TNIP3: variants seen among roughly 807,000 people sequenced by gnomAD.
The protein encoded by TNIP3 is TNFAIP3 interacting protein 3, also known as TNFAIP3-interacting protein 3.
A neutral mutation model predicts 54.1 loss-of-function variants in TNIP3; 34 were observed. That is an observed-to-expected ratio of 0.63 (90% CI 0.48 to 0.84). TNIP3 has a LOEUF of 0.84. TNIP3 is among the 40% of genes least tolerant of loss of function. TNIP3 has a pLI of 0.00. For synonymous variants in TNIP3, 134 were observed against 136.8 expected (o/e 0.98, Z 0.14); for missense variants, 366 against 387.6 (o/e 0.94, Z 0.47).
intron 2 of TNIP3, among the ~76,000 whole-genome samples, chr4:121,215,935 A>C (rs1245384534): frequency 6.6e-6 from 1 of 152,114 alleles, no homozygotes; most frequent in Non-Finnish European, 1.5e-5. Context: ...GCTTTAAAAA[A>C]AACTTTGAAA....
chr4:121,226,708 T>C (rs1056991381), intron 1 of TNIP3, among the ~76,000 whole-genome samples: 8 of 152,228 alleles, frequency 5.3e-5, no homozygotes, highest in African/African-American at 1.9e-4. Flanking sequence ...AAATGAACCT[T>C]CCTTGCAGGA....
chr4:121,169,072 T>C (rs576943896), upstream of TNIP3, among the ~76,000 whole-genome samples: 15 of 152,164 alleles, frequency 9.9e-5, no homozygotes, highest in Non-Finnish European at 1.8e-4. Flanking sequence ...CAGTGGCCAC[T>C]GTGAGACTTT....
chr4:121,194,859 A>AG (rs1553935999), intron 2 of TNIP3, among the ~76,000 whole-genome samples: 32 of 151,620 alleles, frequency 2.1e-4, no homozygotes, highest in Admixed American at 2.0e-3. Context: ...GAAAAAAAAA[A>AG]GTACACACAC....
intron 2 of TNIP3, 129 bp downstream of exon 2, chr4:121,161,007 G>A: frequency 1.4e-6 from 1 of 719,294 alleles, no homozygotes. Context: ...TCAAAATAGT[G>A]CAGTCCAGTA....
At position 121,143,642 on chromosome 4, in the gene TNIP3, C is replaced by A. The variant is rs1729256225; in HGVS notation, c.736-866G>T. 4.6e-5 allele frequency among the ~76,000 whole-genome samples: 7 copies of A among 152,124 alleles called. No individual in the cohort carries two copies. In the South Asian group the frequency reaches 1.5e-3, roughly 32 times the overall value. The stretch of plus-strand genomic sequence containing the variant: ...GACACTGAATTAGTGAATATTGAAC[C>A]ACTGCTCCTAGGAGAAATGTTGGGT... On this transcript the variant is annotated intron_variant, in intron 7 of 10. Transcript: ENST00000057513.
intron 1 of TNIP3, among the ~76,000 whole-genome samples, chr4:121,224,369 TAAAAAGA>T (rs953329312): frequency 1.0e-4 from 7 of 68,916 alleles, no homozygotes; most frequent in Admixed American, 2.5e-4. Flanking sequence ...TCTCAAAAAA[TAAAAAGA>T]AAAAAGAAAA....
intron 6 of TNIP3, among the ~76,000 whole-genome samples, chr4:121,148,014 A>T (rs1295141351): frequency 6.6e-6 from 1 of 152,224 alleles, no homozygotes. Context: ...CTGAAGGGAA[A>T]CTACATCCAG....
At chr4:121,135,161 T>C (rs1001800759) in intron 10 of TNIP3, among the ~76,000 whole-genome samples, 2 of 152,182 alleles carry the variant, frequency 1.3e-5, no homozygotes, top group African/African-American at 4.8e-5. Context: ...AAACTGAGCA[T>C]TGTAAATTGT....
intron 9 of TNIP3, among the ~76,000 whole-genome samples, chr4:121,141,080 C>A (rs1729090630): frequency 6.6e-6 from 1 of 152,090 alleles, no homozygotes; most frequent in Non-Finnish European, 1.5e-5. Flanking sequence ...TTAATCAAAC[C>A]TAAAGGGTAG....
chr4:121,161,278 T>C, intron 1 of TNIP3, 62 bp from the exon 2 acceptor site: 1 of 1,421,878 alleles, frequency 7.0e-7, no homozygotes, highest in Non-Finnish European at 9.5e-7. Flanking sequence ...ACAGAAGTAC[T>C]GTTCCTCAGA....
intron 4 of TNIP3, among the ~76,000 whole-genome samples, chr4:121,155,436 A>G (rs977370029): frequency 7.2e-5 from 11 of 152,232 alleles, no homozygotes; most frequent in Non-Finnish European, 1.3e-4. Context: ...GGGAAAAGAG[A>G]ATAATCCTTA....
upstream of TNIP3, among the ~76,000 whole-genome samples, chr4:121,217,262 AC>A (rs2148850830): frequency 6.6e-6 from 1 of 152,298 alleles, no homozygotes; most frequent in Non-Finnish European, 1.5e-5. Context: ...TCTGGAAACC[AC>A]CAATTGCTGA....
intron 2 of TNIP3, among the ~76,000 whole-genome samples, chr4:121,185,189 C>A (rs114582404): frequency 0.022 from 3,331 of 152,290 alleles, 80 homozygotes; most frequent in Admixed American, 0.035. Context: ...TCTAATCTCA[C>A]CTTCTACTCT....
chr4:121,189,460 A>T (rs1224142298), intron 2 of TNIP3, among the ~76,000 whole-genome samples: 1 of 152,212 alleles, frequency 6.6e-6, no homozygotes, highest in Non-Finnish European at 1.5e-5. Context: ...TCAAGCAGCA[A>T]TTTTCAGGTT....
chr4:121,201,933 C>A (rs958899847), intron 2 of TNIP3, among the ~76,000 whole-genome samples: 1 of 152,060 alleles, frequency 6.6e-6, no homozygotes, highest in Non-Finnish European at 1.5e-5. Flanking sequence ...GGAAACATAG[C>A]CCATGCTCGT....
At chr4:121,193,781 C>G (rs561852396) in intron 2 of TNIP3, among the ~76,000 whole-genome samples, 2 of 152,172 alleles carry the variant, frequency 1.3e-5, no homozygotes, top group Admixed American at 1.3e-4. Context: ...AAAATCCAAA[C>G]TATGATCATA....
upstream of TNIP3, among the ~76,000 whole-genome samples, chr4:121,217,435 T>C (rs1040280757): frequency 4.6e-5 from 7 of 152,094 alleles, no homozygotes; most frequent in African/African-American, 1.7e-4. Context: ...TGGCTGTACA[T>C]AGTGTTGGAG....
In TNIP3 at chr4:121,150,173, C is replaced by T. The variant is rs756255796; in HGVS notation, c.539G>A (p.Cys180Tyr). The T allele has an allele frequency of 3.7e-6, 6 of 1,613,910 alleles. No homozygotes were observed. In the South Asian group the frequency reaches 5.5e-5, roughly 15 times the overall value. Reference sequence around the variant, plus strand: ...GAATTCCACTCGAGACTTCCTCAAACAGTCCTCGGAAAATGAACACTTGAT... The same window carrying T: ...GAATTCCACTCGAGACTTCCTCAAATAGTCCTCGGAAAATGAACACTTGAT... Reference protein sequence around the residue: ...LNIKCSFSEDCLRKSRVEFCH... With the variant: ...LNIKCSFSEDYLRKSRVEFCH... The change falls in exon 6 of 11, where the codon TGT (cysteine) becomes TAT (tyrosine). Residue 180 changes from cysteine to tyrosine, a missense_variant. Cys to Tyr is a radical substitution (Grantham distance 194, BLOSUM62 -2). Coordinates refer to ENST00000057513, the MANE Select transcript of TNIP3 (RefSeq NM_024873.6).
chr4:121,157,328 G>A lies in TNIP3; in HGVS notation c.214-85C>T, dbSNP rs909226061. ...ATTTATTCCCAGGCTATGAACTTTG[G>A]CAGAAACGCCCCACCCCAGGACGTC... is the stretch of plus-strand genomic sequence containing the variant. On this transcript the variant is annotated intron_variant, in intron 3 of 10. Transcript: ENST00000057513. 4.4e-6 allele frequency: 7 copies of A among 1,574,608 alleles called. No individual in the cohort carries two copies. In the African/African-American group the frequency reaches 9.5e-5, roughly 21 times the overall value.
Sources: allele counts gnomAD v4.1 joint callset (sites outside exome capture counted in the v4.1 genomes callset), GRCh38; gene constraint gnomAD v4.1.1; transcripts MANE v1.5; gene names NCBI Gene and HGNC (gene_info 2026-07-23, HGNC 2026-07-21).